B3GLCT: variants seen among roughly 807,000 people sequenced by gnomAD.
B3GLCT encodes beta-1,3-glucosyltransferase.
In B3GLCT, 65 loss-of-function variants were observed where a neutral mutation model predicts 63.4. The observed-to-expected ratio is 1.03, with a 90% confidence interval of 0.84 to 1.26. B3GLCT has a LOEUF of 1.26. B3GLCT is among the 50% of genes most tolerant of loss of function. The pLI, the probability that B3GLCT is intolerant of heterozygous loss-of-function variation, is 0.00. For synonymous variants in B3GLCT, 233 were observed against 219.2 expected (o/e 1.06, Z -0.55); for missense variants, 577 against 604.8 (o/e 0.95, Z 0.48).
chr13:31,294,437 T>C (rs1299909019), intron 12 of B3GLCT, among the ~76,000 whole-genome samples: 1 of 152,240 alleles, frequency 6.6e-6, no homozygotes, highest in Non-Finnish European at 1.5e-5. Flanking sequence ...CCCATCACTT[T>C]CAGGTACAGC....
rs781309278 is a variant in B3GLCT, at chr13:31,229,168, A to T, written c.161-17A>T. On this transcript the variant is annotated splice_polypyrimidine_tract_variant and intron_variant, in intron 3 of 14. Transcript: ENST00000343307. ...TTGTAAAAAGAAATACCTGAAAACT[A>T]TTTTTTTTTGTTCTAGACTTAAAAG... The T allele has an allele frequency of 2.1e-6, 3 of 1,458,972 alleles. No individual in the cohort carries two copies. The highest frequency in any genetic ancestry group is 1.4e-5 in the African/African-American group (1 of 71,352). 90.4% of individuals were successfully genotyped at this position (1,458,972 alleles called of 1,614,324 possible).
intron 12 of B3GLCT, chr13:31,312,234 G>T (rs185502123): frequency 2.6e-4 from 40 of 152,324 alleles, no homozygotes; most frequent in African/African-American, 9.6e-4. Flanking sequence ...TCATTTGATT[G>T]AATAGAGTCT....
At chr13:31,284,583 A>AT in intron 10 of B3GLCT, 65 bp from the exon 11 acceptor site, 1 of 899,070 alleles carries the variant, frequency 1.1e-6, no homozygotes, top group Admixed American at 1.7e-5. Flanking sequence ...TTATACTGCC[A>AT]TTTTGAATTT....
chr13:31,308,363 A>AAAAAAAAAAAAAC (rs1449376190), intron 12 of B3GLCT, among the ~76,000 whole-genome samples: 1 of 4,312 alleles, frequency 2.3e-4, no homozygotes, highest in African/African-American at 2.5e-4. Flanking sequence ...AAAAAAAACA[A>AAAAAAAAAAAAAC]AAAAAAAAGC....
intron 4 of B3GLCT, among the ~76,000 whole-genome samples, chr13:31,238,462 C>A (rs866909556): frequency 3.9e-5 from 6 of 152,208 alleles, no homozygotes; most frequent in Admixed American, 6.5e-5. Flanking sequence ...TCTTTCCAAT[C>A]TATAACTCAG....
intron 6 of B3GLCT, 136 bp from the exon 7 acceptor site, chr13:31,260,810 T>C: frequency 2.6e-6 from 2 of 783,776 alleles, no homozygotes; most frequent in East Asian, 2.7e-5. Context: ...TCACATTCTC[T>C]AGAAATATTT....
chr13:31,278,725 G>A (rs1872914170), intron 10 of B3GLCT, among the ~76,000 whole-genome samples: 1 of 152,212 alleles, frequency 6.6e-6, no homozygotes, highest in Non-Finnish European at 1.5e-5. Flanking sequence ...CCATCAGTTG[G>A]CCCAAAGAGT....
At chr13:31,240,600 A>C (rs545322239) in intron 4 of B3GLCT, among the ~76,000 whole-genome samples, 5 of 151,930 alleles carry the variant, frequency 3.3e-5, no homozygotes, top group East Asian at 1.9e-4. Flanking sequence ...TTCTAATTTC[A>C]GAATTTTTTT....
At chr13:31,267,523 T>G (rs1263502601) in intron 7 of B3GLCT, among the ~76,000 whole-genome samples, 1 of 152,234 alleles carries the variant, frequency 6.6e-6, no homozygotes, top group African/African-American at 2.4e-5. Flanking sequence ...AAGTATATAT[T>G]TGGAGTGTAT....
At chr13:31,247,458 A>G (rs1246436046) in intron 5 of B3GLCT, among the ~76,000 whole-genome samples, 1 of 152,018 alleles carries the variant, frequency 6.6e-6, no homozygotes, top group Non-Finnish European at 1.5e-5. Context: ...TATTTTTAGT[A>G]TAGATGAGAT....
At chr13:31,205,000 G>A (rs1868872721) in intron 1 of B3GLCT, among the ~76,000 whole-genome samples, 1 of 152,192 alleles carries the variant, frequency 6.6e-6, no homozygotes, top group South Asian at 2.1e-4. Context: ...TGAATTTTAA[G>A]TGTATAGTTC....
At chr13:31,212,804 G>T (rs1202997396) in intron 1 of B3GLCT, among the ~76,000 whole-genome samples, 1 of 152,224 alleles carries the variant, frequency 6.6e-6, no homozygotes, top group Non-Finnish European at 1.5e-5. Context: ...CTGGAATTCT[G>T]TGGTGCTAAG....
At chr13:31,240,987 T>C (rs953932356) in intron 4 of B3GLCT, among the ~76,000 whole-genome samples, 5 of 152,226 alleles carry the variant, frequency 3.3e-5, no homozygotes, top group African/African-American at 1.2e-4. Context: ...TTTTCACATA[T>C]ACAACTGGCA....
At chr13:31,215,483 A>G (rs1051945014) in intron 2 of B3GLCT, among the ~76,000 whole-genome samples, 1 of 152,164 alleles carries the variant, frequency 6.6e-6, no homozygotes, top group Admixed American at 6.5e-5. Context: ...GCACGATCTC[A>G]GATCACTGCA....
chr13:31,234,240 T>G (rs1870529399), intron 4 of B3GLCT, among the ~76,000 whole-genome samples: 1 of 152,058 alleles, frequency 6.6e-6, no homozygotes, highest in Non-Finnish European at 1.5e-5. Flanking sequence ...CAGGATGGTC[T>G]TGATCTCCTG....
At chr13:31,315,627 G>A (rs559510753) in intron 12 of B3GLCT, among the ~76,000 whole-genome samples, 174 of 152,348 alleles carry the variant, frequency 1.1e-3, no homozygotes, top group African/African-American at 3.0e-3. Context: ...CAGCCTGACT[G>A]TGAGGTGAAA....
chr13:31,215,726 A>G (rs891560358), intron 2 of B3GLCT, among the ~76,000 whole-genome samples: 1 of 152,120 alleles, frequency 6.6e-6, no homozygotes, highest in Non-Finnish European at 1.5e-5. Context: ...GTCTTACCAA[A>G]TATCTTAACC....
chr13:31,269,794 C>T (rs1872502341), intron 8 of B3GLCT, among the ~76,000 whole-genome samples: 1 of 152,130 alleles, frequency 6.6e-6, no homozygotes, highest in Non-Finnish European at 1.5e-5. Flanking sequence ...CTTGCCCTTT[C>T]TGCCATGTGA....
intron 4 of B3GLCT, among the ~76,000 whole-genome samples, chr13:31,239,710 C>A (rs1870835999): frequency 1.4e-5 from 2 of 147,542 alleles, no homozygotes; most frequent in African/African-American, 5.0e-5. Flanking sequence ...CCTTCTAGAA[C>A]CTGGGGTCTA....
Sources: gnomAD v4.1 joint callset for allele counts (sites outside exome capture counted in the v4.1 genomes callset) on GRCh38, gnomAD v4.1.1 for gene constraint, MANE v1.5 for transcripts, NCBI Gene and HGNC (gene_info 2026-07-23, HGNC 2026-07-21) for gene names.